Variants in CDH13 observed in about 807,000 individuals in gnomAD.
CDH13 encodes the protein cadherin-13.
A neutral mutation model predicts 63.8 loss-of-function variants in CDH13; 24 were observed. That is an observed-to-expected ratio of 0.38 (90% CI 0.27 to 0.53). The LOEUF is 0.53. CDH13 is among the 20% of genes least tolerant of loss of function. The pLI, the probability that CDH13 is intolerant of heterozygous loss-of-function variation, is 0.85. For missense variants in CDH13, 1,049 were observed against 903.1 expected, an observed-to-expected ratio of 1.16 and a Z score of -2.07; for synonymous variants, 503 against 355.3, an observed-to-expected ratio of 1.42 and a Z score of -4.67.
chr16:82,932,911 A>C (rs1329296471), intron 2 of CDH13, among the ~76,000 whole-genome samples: 2 of 152,244 alleles, frequency 1.3e-5, no homozygotes, highest in East Asian at 3.8e-4. Flanking sequence ...GAAGTTTACT[A>C]GTAGAGAAAT....
intron 1 of CDH13, among the ~76,000 whole-genome samples, chr16:82,834,637 G>T (rs777827384): frequency 6.6e-6 from 1 of 152,200 alleles, no homozygotes; most frequent in Non-Finnish European, 1.5e-5. Context: ...GTCTGAGCCT[G>T]TTTCTTCACA....
intron 1 of CDH13, among the ~76,000 whole-genome samples, chr16:82,787,627 TG>T (rs1249515970): frequency 2.6e-5 from 4 of 152,228 alleles, no homozygotes; most frequent in African/African-American, 9.6e-5. Context: ...GAATTATTAT[TG>T]TCCTAAATGG....
chr16:83,652,098 C>T (rs746712992), intron 8 of CDH13, among the ~76,000 whole-genome samples: 1 of 152,172 alleles, frequency 6.6e-6, no homozygotes, highest in Non-Finnish European at 1.5e-5. Flanking sequence ...CTCCATCAGC[C>T]ACCTCTGGAA....
At chr16:83,115,886 T>C (rs1025536344) in intron 3 of CDH13, among the ~76,000 whole-genome samples, 3 of 152,222 alleles carry the variant, frequency 2.0e-5, no homozygotes, top group Non-Finnish European at 4.4e-5. Context: ...AAAGAGGGAA[T>C]GAGGACAAAT....
intron 5 of CDH13, among the ~76,000 whole-genome samples, chr16:83,292,798 T>G (rs2089496177): frequency 6.6e-6 from 1 of 152,208 alleles, no homozygotes; most frequent in African/African-American, 2.4e-5. Flanking sequence ...TATATTAGTT[T>G]AGCTTGATAG....
At chr16:83,205,179 A>G (rs1028966969) in intron 4 of CDH13, among the ~76,000 whole-genome samples, 11 of 152,344 alleles carry the variant, frequency 7.2e-5, no homozygotes, top group Middle Eastern at 3.4e-3. Flanking sequence ...AAGCAGAACA[A>G]CCAAAGGCAA....
intron 5 of CDH13, among the ~76,000 whole-genome samples, chr16:83,264,659 C>T (rs963735172): frequency 2.0e-5 from 3 of 151,300 alleles, no homozygotes; most frequent in African/African-American, 7.3e-5. Flanking sequence ...TAATTAATAT[C>T]AAATCATATC....
chr16:82,858,482 T>A lies in CDH13; in HGVS notation c.157+9T>A. The A allele has an allele frequency of 1.3e-6, 2 of 1,511,252 alleles. No individual in the cohort carries two copies. The highest frequency in any genetic ancestry group is 1.8e-6 in the Non-Finnish European group (2 of 1,086,430). The allele number at this position is 1,511,252 out of a possible 1,614,324, so 93.6% of individuals were successfully genotyped here. A position where few individuals can be genotyped will look rare whatever the true frequency, so the allele number is the denominator to read the frequency against. On this transcript the variant is annotated intron_variant, in intron 2 of 13. Transcript: ENST00000567109. ...CCAGTCAATTCTAAACTGTAAGCAA[T>A]GTCACTCAAAGATGCTTTTAGACTC...
chr16:83,462,868 T>A (rs2073215445), intron 6 of CDH13, among the ~76,000 whole-genome samples: 2 of 152,018 alleles, frequency 1.3e-5, no homozygotes, highest in South Asian at 4.1e-4. Flanking sequence ...CCAATAAAAG[T>A]TTATGTAATA....
intron 2 of CDH13, among the ~76,000 whole-genome samples, chr16:82,995,062 T>C (rs565583430): frequency 6.6e-6 from 1 of 152,334 alleles, no homozygotes; most frequent in South Asian, 2.1e-4. Flanking sequence ...AAGCAAGAAG[T>C]GAGTAAATGT....
At chr16:83,260,556 C>A (rs999750544) in intron 5 of CDH13, among the ~76,000 whole-genome samples, 3 of 152,316 alleles carry the variant, frequency 2.0e-5, no homozygotes, top group African/African-American at 7.2e-5. Context: ...GCATCGGAAT[C>A]ACCCGGGATC....
chr16:82,877,948 C>CACAG (rs1211403380), intron 2 of CDH13, among the ~76,000 whole-genome samples: 2 of 137,284 alleles, frequency 1.5e-5, no homozygotes, highest in African/African-American at 5.2e-5. Flanking sequence ...CACACACACA[C>CACAG]ACACACACAC....
chr16:82,736,055 A>C (rs982198321), intron 1 of CDH13, among the ~76,000 whole-genome samples: 6 of 152,214 alleles, frequency 3.9e-5, no homozygotes, highest in African/African-American at 1.4e-4. Flanking sequence ...CGATTCATGA[A>C]AAACCTGAAG....
chr16:82,715,522 A>G (rs11647015), intron 1 of CDH13, among the ~76,000 whole-genome samples: 46,621 of 152,044 alleles, frequency 0.31, 7,470 homozygotes, highest in East Asian at 0.52. Context: ...TTTGCACACA[A>G]CAATAATCTC....
chr16:82,839,450 A>C (rs2038913940), intron 1 of CDH13, among the ~76,000 whole-genome samples: 1 of 152,202 alleles, frequency 6.6e-6, no homozygotes, highest in South Asian at 2.1e-4. Flanking sequence ...GATACCTGGC[A>C]GTGCAGGGTT....
chr16:83,173,991 A>G (rs565270262), intron 4 of CDH13, among the ~76,000 whole-genome samples: 1 of 152,222 alleles, frequency 6.6e-6, no homozygotes. Flanking sequence ...AGATATGACC[A>G]GACAATAACA....
At chr16:82,927,857 A>G (rs180707432) in intron 2 of CDH13, among the ~76,000 whole-genome samples, 20 of 152,338 alleles carry the variant, frequency 1.3e-4, no homozygotes, top group African/African-American at 4.8e-4. Flanking sequence ...TGAGTTACTG[A>G]ATATTGAGAG....
At chr16:82,796,986 A>G (rs1037702340) in intron 1 of CDH13, among the ~76,000 whole-genome samples, 12 of 152,198 alleles carry the variant, frequency 7.9e-5, no homozygotes, top group African/African-American at 2.7e-4. Context: ...GGATCCTATC[A>G]ACTTTTTCTT....
At chr16:82,872,908 G>A (rs2040392657) in intron 2 of CDH13, among the ~76,000 whole-genome samples, 1 of 152,194 alleles carries the variant, frequency 6.6e-6, no homozygotes, top group Non-Finnish European at 1.5e-5. Flanking sequence ...TAAAAAATGT[G>A]CCTCCTGCTG....
Sources: allele counts gnomAD v4.1 joint callset (sites outside exome capture counted in the v4.1 genomes callset), GRCh38; gene constraint gnomAD v4.1.1; transcripts MANE v1.5; gene names NCBI Gene and HGNC (gene_info 2026-07-23, HGNC 2026-07-21).